GTF2IRD1: variants seen among roughly 807,000 people sequenced by gnomAD.
The protein encoded by GTF2IRD1 is general transcription factor II-I repeat domain-containing protein 1.
GTF2IRD1 carries 26 observed loss-of-function variants against 113.2 expected under a neutral mutation model. The observed-to-expected ratio is 0.23, with a 90% CI of 0.17 to 0.32. The LOEUF (loss-of-function observed/expected upper bound fraction) is 0.32. Among genes scored for constraint, GTF2IRD1 ranks in the 10% least tolerant of loss-of-function variants. The pLI is 1.00. For missense variants in GTF2IRD1, 864 were observed against 1,280.8 expected, an observed-to-expected ratio of 0.67 and a Z score of 4.97; for synonymous variants, 484 against 529.1, an observed-to-expected ratio of 0.91 and a Z score of 1.17.
chr7:74,479,650 C>A (rs2117096146), intron 1 of GTF2IRD1, among the ~76,000 whole-genome samples: 1 of 152,264 alleles, frequency 6.6e-6, no homozygotes, highest in Middle Eastern at 3.4e-3. Context: ...GAAGCCCCAC[C>A]CTGACTGCCT....
In GTF2IRD1 at chr7:74,496,312, GTGGGGGTGTGCA is replaced by G. The variant is rs797025216; in HGVS notation, c.-6-11748_-6-11737del. Among the ~76,000 whole-genome samples, 360 of 148,854 alleles carry G rather than the reference GTGGGGGTGTGCA, an allele frequency of 2.4e-3. 6 individuals carry two copies. In the East Asian group the frequency reaches 0.038, roughly 16 times the overall value. ...TATGTGGGTGTGCATGTGTGTGGGG[GTGGGGGTGTGCA>G]TGGGGGTGTGCATGTATGTGCATGT... On this transcript the variant is annotated intron_variant, in intron 1 of 26. Transcript: ENST00000424337.
intron 1 of GTF2IRD1, among the ~76,000 whole-genome samples, chr7:74,501,226 G>A (rs181892323): frequency 1.1e-3 from 170 of 152,246 alleles, no homozygotes; most frequent in African/African-American, 2.8e-3. Flanking sequence ...GTGCAGAGCC[G>A]AGCCCACCGC....
chr7:74,525,973 G>A (rs1180030310), intron 8 of GTF2IRD1, among the ~76,000 whole-genome samples: 2 of 152,152 alleles, frequency 1.3e-5, no homozygotes, highest in African/African-American at 4.8e-5. Flanking sequence ...CCTTAGTGAG[G>A]AGCCTGGGAT....
intron 1 of GTF2IRD1, among the ~76,000 whole-genome samples, chr7:74,454,716 G>A (rs1173073434): frequency 6.6e-6 from 1 of 152,174 alleles, no homozygotes; most frequent in Non-Finnish European, 1.5e-5. Flanking sequence ...CCCCGGCCCC[G>A]GGGAGGGGGC....
Position 74,512,757 on chromosome 7 carries a change from C to A in GTF2IRD1, c.124-73C>A. ...CAGGCAGCTGGGAGCTCACATCCCA[C>A]CCCCGAAGTGGATACTAGAGGTGTT... On this transcript the variant is annotated intron_variant, in intron 2 of 26. Coordinates refer to ENST00000424337, the MANE Select transcript of GTF2IRD1 (RefSeq NM_005685.4). The surrounding 1 kb of genome is among the most constrained non-coding windows in gnomAD (Gnocchi z 4.4). 2.1e-6 allele frequency: 3 copies of A among 1,454,126 alleles called. No homozygotes were observed. The highest frequency in any genetic ancestry group is 1.8e-5 in the Admixed American group (1 of 54,738). 90.1% of individuals were successfully genotyped at this position (1,454,126 alleles called of 1,614,324 possible).
intron 1 of GTF2IRD1, among the ~76,000 whole-genome samples, chr7:74,460,408 TA>T (rs1343515223): frequency 8.0e-6 from 1 of 125,612 alleles, no homozygotes; most frequent in South Asian, 2.8e-4. Context: ...CCTAGCTAAT[TA>T]AAAAAAAATT....
In GTF2IRD1 at chr7:74,521,221, T is replaced by A. The variant is rs782374977; in HGVS notation, c.930T>A (p.Thr310=). The A allele has an allele frequency of 6.3e-7, 1 of 1,599,278 alleles. No homozygotes were observed. The highest frequency in any genetic ancestry group is 2.2e-5 in the East Asian group (1 of 44,784). Residue 310 remains threonine (T), a synonymous_variant, in exon 7 of 27, where the codon ACT becomes ACA. Coordinates refer to ENST00000424337, the MANE Select transcript of GTF2IRD1 (RefSeq NM_005685.4). ...DFSDCCGQKP[T]GPGGPLIQNV... ...TCCCTTGTCCAGGACAGAAGCCCAC[T>A]GGGCCTGGTGGGCCTCTCATCCAGA...
chr7:74,552,493 G>A (rs1235256638), intron 17 of GTF2IRD1, among the ~76,000 whole-genome samples: 3 of 152,150 alleles, frequency 2.0e-5, no homozygotes, highest in South Asian at 2.1e-4. Flanking sequence ...TCCAGCCTGG[G>A]CGACAAGAGC....
chr7:74,550,335 T>C (rs1213209241), intron 17 of GTF2IRD1, among the ~76,000 whole-genome samples: 1 of 152,148 alleles, frequency 6.6e-6, no homozygotes, highest in African/African-American at 2.4e-5. Context: ...TAATTGGCTC[T>C]ACTATATACA....
At chr7:74,557,764 G>C in intron 20 of GTF2IRD1, 42 bp downstream of exon 20, 1 of 1,268,488 alleles carries the variant, frequency 7.9e-7, no homozygotes, top group Non-Finnish European at 1.1e-6. Flanking sequence ...CGCAGCTGCT[G>C]TGCACAGAGA....
intron 1 of GTF2IRD1, among the ~76,000 whole-genome samples, chr7:74,468,210 T>C (rs1344775108): frequency 1.3e-5 from 2 of 152,088 alleles, no homozygotes; most frequent in Non-Finnish European, 2.9e-5. Flanking sequence ...AATATCTAAA[T>C]ATTAAGCCAG....
intron 20 of GTF2IRD1, among the ~76,000 whole-genome samples, chr7:74,558,347 CTTTTTTTT>C (rs1193682168): frequency 2.5e-4 from 15 of 60,460 alleles, no homozygotes; most frequent in Non-Finnish European, 3.5e-4. Context: ...TCTTTCGTTT[CTTTTTTTT>C]TTTTTTTTTT....
chr7:74,593,765 G>T (rs1317213324), intron 24 of GTF2IRD1, among the ~76,000 whole-genome samples: 1 of 150,758 alleles, frequency 6.6e-6, no homozygotes, highest in African/African-American at 2.4e-5. Context: ...TTAGCTAAGT[G>T]TGGTGGCATG....
intron 22 of GTF2IRD1, among the ~76,000 whole-genome samples, chr7:74,569,358 G>A (rs1800545050): frequency 1.3e-5 from 2 of 152,190 alleles, no homozygotes; most frequent in Non-Finnish European, 1.5e-5. Context: ...TTGTAACTGA[G>A]CAAACAGCCT....
At position 74,515,537 on chromosome 7, in the gene GTF2IRD1, A is replaced by G. The variant is rs1796883232; in HGVS notation, c.362A>G (p.His121Arg). ...AGCCTCCCTCGGTCCTCCCTGGAACATGGCTCAGATGTGTACCTTCTGCGG... is the reference window on the plus strand; with the variant it reads ...AGCCTCCCTCGGTCCTCCCTGGAACGTGGCTCAGATGTGTACCTTCTGCGG... ...GRSLPRSSLE[H>R]GSDVYLLRKM... Residue 121 changes from histidine (H) to arginine (R), a missense_variant, in exon 4 of 27, where the codon CAT (histidine) becomes CGT (arginine). Around this residue, in one of 7 missense-constraint regions of GTF2IRD1, gnomAD observed 182 missense variants for 266.6 expected, o/e 0.68. Transcript: ENST00000424337. 6.2e-7 allele frequency: 1 copy of G among 1,613,788 alleles called. No homozygotes were observed.
At chr7:74,549,667 G>T (rs1799175552) in intron 17 of GTF2IRD1, among the ~76,000 whole-genome samples, 1 of 152,102 alleles carries the variant, frequency 6.6e-6, no homozygotes, top group African/African-American at 2.4e-5. Context: ...GCCAGGCATG[G>T]TGGCTCATGC....
intron 17 of GTF2IRD1, among the ~76,000 whole-genome samples, chr7:74,550,288 A>G (rs1583861609): frequency 6.6e-6 from 1 of 152,324 alleles, no homozygotes; most frequent in East Asian, 1.9e-4. Context: ...ACAGGGAAAT[A>G]AAGATTCACA....
At chr7:74,533,601 G>A (rs911272361) in intron 9 of GTF2IRD1, among the ~76,000 whole-genome samples, 7 of 152,102 alleles carry the variant, frequency 4.6e-5, no homozygotes, top group Admixed American at 6.6e-5. Flanking sequence ...ACTGAAGGCC[G>A]TGCACCTCCA....
intron 1 of GTF2IRD1, among the ~76,000 whole-genome samples, chr7:74,504,768 C>T (rs539989826): frequency 5.5e-5 from 8 of 144,486 alleles, no homozygotes; most frequent in South Asian, 2.3e-4. Flanking sequence ...AATGCAGTGG[C>T]GCCATCTCGG....
Sources: allele counts gnomAD v4.1 joint callset (sites outside exome capture counted in the v4.1 genomes callset), GRCh38; gene constraint gnomAD v4.1.1; regional missense constraint gnomAD v4.1.1; non-coding constraint Gnocchi (gnomAD v3.1); transcripts MANE v1.5; gene names NCBI Gene and HGNC (gene_info 2026-07-23, HGNC 2026-07-21).